The following GGT6 variants were observed in gnomAD, a reference collection of about 807,000 sequenced individuals.
GGT6 encodes glutathione hydrolase 6.
In GGT6, 13 loss-of-function variants were observed where a neutral mutation model predicts 17.0. The observed-to-expected ratio is 0.77, with a 90% CI of 0.50 to 1.22. The LOEUF (loss-of-function observed/expected upper bound fraction) is 1.22. GGT6 is among the 50% of genes most tolerant of loss of function. The pLI, the probability that GGT6 is intolerant of heterozygous loss-of-function variation, is 0.00. For missense variants in GGT6, 628 were observed against 643.7 expected, an observed-to-expected ratio of 0.98 and a Z score of 0.26; for synonymous variants, 305 against 297.9, an observed-to-expected ratio of 1.02 and a Z score of -0.25.
At position 4,559,726 on chromosome 17, in the gene GGT6, G is replaced by C; in HGVS notation, c.175C>G (p.Arg59Gly). The change falls in exon 2 of 4, where the codon CGT becomes GGT. Residue 59 changes from arginine to glycine, a missense_variant. Arg to Gly is a moderately radical substitution (Grantham distance 125, BLOSUM62 -2). Coordinates refer to ENST00000381550, the MANE Select transcript of GGT6 (RefSeq NM_001288702.2). Reference protein sequence around the residue: ...KAGGLPGTWARVVAALLLLAV... With the variant: ...KAGGLPGTWAGVVAALLLLAV... ...AGCAGCAGCAGGGCTGCCACTACAC[G>C]GGCCCAGGTTCCGGGCAGCCCGCCA... The C allele has an allele frequency of 6.2e-7, 1 of 1,612,264 alleles. No individual in the cohort carries two copies.
chr17:4,557,959 C>T lies in GGT6; in HGVS notation c.*56G>A. The T allele has an allele frequency of 2.5e-6, 3 of 1,192,164 alleles. No individual in the cohort carries two copies. Among genetic ancestry groups the T allele is most frequent in the Non-Finnish European group, 3.5e-6 (3 of 862,436 alleles). 73.8% of individuals were successfully genotyped at this position (1,192,164 alleles called of 1,614,324 possible). A position where few individuals can be genotyped will look rare whatever the true frequency, so the allele number is the denominator to read the frequency against. On this transcript the variant is annotated 3_prime_UTR_variant, in exon 4 of 4. Coordinates refer to ENST00000381550, the MANE Select transcript of GGT6 (RefSeq NM_001288702.2). ...CTCCATTGCTGCTGTGTCTGCTCTG[C>T]TCCTGCCCCCATGCTTCAGATAACT...
At position 4,557,876 on chromosome 17, in the gene GGT6, T is replaced by A; in HGVS notation, c.*139A>T. 1.7e-6 allele frequency: 1 copy of A among 594,692 alleles called. No individual in the cohort carries two copies. Among genetic ancestry groups the A allele is most frequent in the Non-Finnish European group, 2.9e-6 (1 of 347,656 alleles). 36.8% of individuals were successfully genotyped at this position (594,692 alleles called of 1,614,324 possible). On this transcript the variant is annotated 3_prime_UTR_variant, in exon 4 of 4. Coordinates refer to ENST00000381550, the MANE Select transcript of GGT6 (RefSeq NM_001288702.2). ...CCTGGCCTCGAGGTATCTTCCTGCC[T>A]TGACCACCCAAAGTGCTGAGATTAC...
Position 4,560,398 on chromosome 17 carries a change from G to A in GGT6, c.124C>T (p.His42Tyr), listed in dbSNP as rs1004867923. ...SEALVLNPRR[H>Y]QDSSRNKAGG... The stretch of plus-strand genomic sequence containing the variant: ...CTTACTTACCTGGAAGAGTCCTGGT[G>A]CCTCCGGGGGTTTAGAACCAGCGCC... Residue 42 changes from histidine to tyrosine, a missense_variant, in exon 1 of 4, where the codon CAC (histidine) becomes TAC (tyrosine). By Grantham distance (83) the His-to-Tyr change is moderately conservative. Coordinates refer to ENST00000381550, the MANE Select transcript of GGT6 (RefSeq NM_001288702.2). 5 of 1,614,128 alleles carry A rather than the reference G, an allele frequency of 3.1e-6. No homozygotes were observed. The Middle Eastern group carries it at 4.9e-4, about 160-fold the overall frequency.
Position 4,558,941 on chromosome 17 carries a change from G to A in GGT6, c.574C>T (p.Leu192=). The part of the protein sequence containing the change: ...GLGLPAALPT[L]HLLHARFGRL... The stretch of plus-strand genomic sequence containing the variant: ...CCGAAGCGTGCATGCAGCAGGTGCA[G>A]GGTGGGCAGAGCCGCGGGCAGCCCC... The change falls in exon 4 of 4, where the codon CTG becomes TTG. Residue 192 remains leucine (L), a synonymous_variant. Coordinates refer to ENST00000381550, the MANE Select transcript of GGT6 (RefSeq NM_001288702.2). 6.5e-7 allele frequency: 1 copy of A among 1,549,822 alleles called. No individual in the cohort carries two copies. Among genetic ancestry groups the A allele is most frequent in the Non-Finnish European group, 8.7e-7 (1 of 1,146,912 alleles).
chr17:4,558,260 C>T lies in GGT6; in HGVS notation c.1255G>A (p.Ala419Thr). 1 of 1,614,192 alleles carries T rather than the reference C, an allele frequency of 6.2e-7. No homozygotes were observed. The highest frequency in any genetic ancestry group is 8.5e-7 in the Non-Finnish European group (1 of 1,180,044). Reference sequence around the variant, plus strand: ...GAAGCCACAAGCCCCAACACATCAGCCTCTGTGTCATCCAGGCTGCCACGG... The same window carrying T: ...GAAGCCACAAGCCCCAACACATCAGTCTCTGTGTCATCCAGGCTGCCACGG... ...ILRGSLDDTE[A>T]DVLGLVASGT... Residue 419 changes from alanine to threonine, a missense_variant, in exon 4 of 4, where the codon GCT (alanine) becomes ACT (threonine). Physicochemically the swap from Ala to Thr is moderately conservative, Grantham distance 58 (BLOSUM62 0). Transcript: ENST00000381550.
In GGT6 at chr17:4,558,655, T is replaced by G; in HGVS notation, c.860A>C (p.Asp287Ala). The G allele has an allele frequency of 6.3e-7, 1 of 1,581,754 alleles. No homozygotes were observed. The highest frequency in any genetic ancestry group is 8.6e-7 in the Non-Finnish European group (1 of 1,165,012). ...AGCCGAGGGCACCTCCACCCCCAGG[T>G]CTCCCGCCAGTAGACTCAGTAGAGC... The part of the protein sequence containing the change: ...GDALLSLLAG[D>A]LGVEVPSAVP... The change falls in exon 4 of 4, where the codon GAC (aspartate) becomes GCC (alanine). Residue 287 changes from aspartate (D) to alanine (A), a missense_variant. Asp to Ala is a moderately radical substitution (Grantham distance 126). Transcript: ENST00000381550.
In GGT6 at chr17:4,558,925, G is replaced by A. The variant is rs1179581068; in HGVS notation, c.590C>T (p.Ala197Val). 6.5e-7 allele frequency: 1 copy of A among 1,549,490 alleles called. No individual in the cohort carries two copies. The highest frequency in any genetic ancestry group is 8.7e-7 in the Non-Finnish European group (1 of 1,146,628). Residue 197 changes from alanine to valine, a missense_variant, in exon 4 of 4, where the codon GCA becomes GTA. By Grantham distance (64) the Ala-to-Val change is moderately conservative. Transcript: ENST00000381550. ...AALPTLHLLHARFGRLPWPRL... is the reference protein window; with the variant it reads ...AALPTLHLLHVRFGRLPWPRL... The stretch of plus-strand genomic sequence containing the variant: ...TGGCCAGGGCAGGCGGCCGAAGCGT[G>A]CATGCAGCAGGTGCAGGGTGGGCAG...
In GGT6 at chr17:4,559,580, G is replaced by A. The variant is rs148111494; in HGVS notation, c.321C>T (p.His107=). ...GHSHGPGVYH[H]GAIISPAATC... is the part of the protein sequence containing the mutation. ...GACCTGCAGGGCTGATGATGGCACCGTGGTGGTATACGCCAGGGCCGTGGG... is the reference window on the plus strand; with the variant it reads ...GACCTGCAGGGCTGATGATGGCACCATGGTGGTATACGCCAGGGCCGTGGG... The change falls in exon 2 of 4, where the codon CAC becomes CAT. Residue 107 remains histidine (H), a synonymous_variant. Coordinates refer to ENST00000381550, the MANE Select transcript of GGT6 (RefSeq NM_001288702.2). 0.013 allele frequency: 21,173 copies of A among 1,613,748 alleles called. 168 individuals carry two copies. The highest frequency in any genetic ancestry group is 0.014 in the Non-Finnish European group (17,036 of 1,179,972).
intron 1 of GGT6, 163 bp from the exon 2 acceptor site, chr17:4,559,923 TG>T: frequency 1.5e-6 from 1 of 647,124 alleles, no homozygotes; most frequent in Non-Finnish European, 2.7e-6. Context: ...TGGGCAGACA[TG>T]GGGATGGGAA....
Position 4,558,546 on chromosome 17 carries a change from G to C in GGT6, c.969C>G (p.Gly323=). 1 of 1,575,736 alleles carries C rather than the reference G, an allele frequency of 6.3e-7. No homozygotes were observed. The highest frequency in any genetic ancestry group is 8.6e-7 in the Non-Finnish European group (1 of 1,160,658). The part of the protein sequence containing the change: ...ILFTTPSPSA[G]PELLALLEAA... Reference sequence around the variant, plus strand: ...CCTCCAACAGTGCCAGCAGTTCTGGGCCAGCTGAGGGACTGGGGGTGGTGA... The same window carrying C: ...CCTCCAACAGTGCCAGCAGTTCTGGCCCAGCTGAGGGACTGGGGGTGGTGA... Residue 323 remains glycine (G), a synonymous_variant, in exon 4 of 4, where the codon GGC becomes GGG. Coordinates refer to ENST00000381550, the MANE Select transcript of GGT6 (RefSeq NM_001288702.2).
chr17:4,559,407 G>A lies in GGT6; in HGVS notation c.393C>T (p.Val131=), dbSNP rs911428882. ...ATGCAGCTCCAACTCCAGCATCCAC[G>A]ACGTTGCCCCCGGCAACAAGCAGCT... ...GRELLVAGGN[V]VDAGVGAALC... The change falls in exon 3 of 4, where the codon GTC becomes GTT. Residue 131 remains valine (V), a synonymous_variant. Coordinates refer to ENST00000381550, the MANE Select transcript of GGT6 (RefSeq NM_001288702.2). The A allele has an allele frequency of 9.7e-6, 15 of 1,551,692 alleles. No homozygotes were observed. Among genetic ancestry groups the A allele is most frequent in the East Asian group, 2.4e-5 (1 of 40,936 alleles).
At position 4,558,477 on chromosome 17, in the gene GGT6, C is replaced by T. The variant is rs755584588; in HGVS notation, c.1038G>A (p.Pro346=). ...CGGGGCTCACAGCAGTCTGCAGGAACGGTGGGCAGGGGTCAGGGATGGGCG... is the reference window on the plus strand; with the variant it reads ...CGGGGCTCACAGCAGTCTGCAGGAATGGTGGGCAGGGGTCAGGGATGGGCG... ...SGAPIPDPCP[P]FLQTAVSPES... Residue 346 remains proline, a synonymous_variant, in exon 4 of 4, where the codon CCG becomes CCA. Coordinates refer to ENST00000381550, the MANE Select transcript of GGT6 (RefSeq NM_001288702.2). 10 of 1,608,146 alleles carry T rather than the reference C, an allele frequency of 6.2e-6. No individual in the cohort carries two copies. Among genetic ancestry groups the T allele is most frequent in the East Asian group, 2.2e-5 (1 of 44,842 alleles).
rs377439398 is a variant in GGT6 at position 4,559,492 on chromosome 17, G to C, written c.344-36C>G. ...GAAGGCACTGTCATGCAGCAAGGAG[G>C]GGGGCTAGGCTGGGCTGGTGACCCC... On this transcript the variant is annotated intron_variant, in intron 2 of 3. Transcript: ENST00000381550. The C allele has an allele frequency of 2.7e-5, 43 of 1,575,574 alleles. No homozygotes were observed. In the African/African-American group the frequency reaches 3.5e-4, roughly 13 times the overall value.
Position 4,560,061 on chromosome 17 carries a change from G to T in GGT6, c.141-301C>A, listed in dbSNP as rs1908528614. On this transcript the variant is annotated intron_variant, in intron 1 of 3. Coordinates refer to ENST00000381550, the MANE Select transcript of GGT6 (RefSeq NM_001288702.2). ...CAGGCAGGAGAGAAGGGGCTGGGGA[G>T]CAGGCCCAGCCAGGCGTAGTCAGGC... The T allele has an allele frequency of 1.7e-4, 99 of 569,464 alleles. No individual in the cohort carries two copies. The South Asian group carries it at 2.0e-3, about 12-fold the overall frequency. 35.3% of individuals were successfully genotyped at this position (569,464 alleles called of 1,614,324 possible).
Position 4,559,353 on chromosome 17 carries a change from G to A in GGT6, c.447C>T (p.Ala149=), listed in dbSNP as rs745431221. 1.9e-6 allele frequency: 3 copies of A among 1,551,190 alleles called. No homozygotes were observed. Among genetic ancestry groups the A allele is most frequent in the African/African-American group, 1.4e-5 (1 of 73,150 alleles). ...ALCLAVVHPH[A]TGLGAMFWGL... Reference sequence around the variant, plus strand: ...TCAGGGGTCACTGACCTAGCCCCGTGGCATGAGGATGCACCACTGCCAGGC... The same window carrying A: ...TCAGGGGTCACTGACCTAGCCCCGTAGCATGAGGATGCACCACTGCCAGGC... Residue 149 remains alanine (A), a synonymous_variant, in exon 3 of 4, where the codon GCC becomes GCT. Coordinates refer to ENST00000381550, the MANE Select transcript of GGT6 (RefSeq NM_001288702.2).
rs367685788 is a variant in GGT6, at chr17:4,559,368, C to T, written c.432G>A (p.Val144=). The change falls in exon 3 of 4, where the codon GTG becomes GTA. Residue 144 remains valine, a synonymous_variant. Coordinates refer to ENST00000381550, the MANE Select transcript of GGT6 (RefSeq NM_001288702.2). The part of the protein sequence containing the change: ...AGVGAALCLA[V]VHPHATGLGA... ...CTAGCCCCGTGGCATGAGGATGCAC[C>T]ACTGCCAGGCACAATGCAGCTCCAA... 2.6e-6 allele frequency: 4 copies of T among 1,551,460 alleles called. No homozygotes were observed. Among genetic ancestry groups the T allele is most frequent in the African/African-American group, 1.4e-5 (1 of 73,054 alleles).
Position 4,557,708 on chromosome 17 carries a change from C to G in GGT6, c.*307G>C, listed in dbSNP as rs1255294100. The stretch of plus-strand genomic sequence containing the variant: ...TGGTGTGATCCTAGCTCTCTGCAGC[C>G]TTGAACTCCTGAGCTCAAGCGAGCT... On this transcript the variant is annotated 3_prime_UTR_variant, in exon 4 of 4. Transcript: ENST00000381550. 7.2e-6 allele frequency: 2 copies of G among 277,146 alleles called. No individual in the cohort carries two copies. The highest frequency in any genetic ancestry group is 6.8e-6 in the Non-Finnish European group (1 of 146,362). The allele number at this position is 277,146 out of a possible 1,614,324, so 17.2% of individuals were successfully genotyped here.
intron 3 of GGT6, 112 bp downstream of exon 3, chr17:4,559,231 C>T: frequency 8.4e-7 from 1 of 1,193,864 alleles, no homozygotes; most frequent in Non-Finnish European, 1.2e-6. Flanking sequence ...TGCCCAAACC[C>T]TAAGTCCTGC....
chr17:4,560,505 T>C lies in GGT6; in HGVS notation c.17A>G (p.Glu6Gly). 1 of 1,611,664 alleles carries C rather than the reference T, an allele frequency of 6.2e-7. No homozygotes were observed. The highest frequency in any genetic ancestry group is 8.5e-7 in the Non-Finnish European group (1 of 1,179,996). ...CAGCAGCTTCTGATAGACCACGGGC[T>C]CTTCTGCCCGCTCCATGGCCCCCCA... MERAE[E>G]PVVYQKLLPW... The change falls in exon 1 of 4, where the codon GAG becomes GGG. Residue 6 changes from glutamate to glycine, a missense_variant. Coordinates refer to ENST00000381550, the MANE Select transcript of GGT6 (RefSeq NM_001288702.2).
Sources: allele counts gnomAD v4.1 joint callset, GRCh38; gene constraint gnomAD v4.1.1; transcripts MANE v1.5; gene names NCBI Gene and HGNC (gene_info 2026-07-23, HGNC 2026-07-21).